CAB39L: variants seen among roughly 807,000 people sequenced by gnomAD.
CAB39L encodes the protein calcium binding protein 39 like.
CAB39L carries 23 observed loss-of-function variants against 39.1 expected under a neutral mutation model. The ratio of observed to expected loss-of-function variants is 0.59; its 90% CI spans 0.42 to 0.83. The LOEUF is 0.83. Ranked by LOEUF, CAB39L falls within the 40% of genes least tolerant of loss-of-function variation. The pLI is 0.00. For synonymous variants in CAB39L, 126 were observed against 137.2 expected, an observed-to-expected ratio of 0.92 and a Z score of 0.57; for missense variants, 366 against 391.9, an observed-to-expected ratio of 0.93 and a Z score of 0.56.
chr13:49,388,000 CAAAG>C (rs1956402191), intron 3 of CAB39L, among the ~76,000 whole-genome samples: 2 of 152,110 alleles, frequency 1.3e-5, no homozygotes, highest in South Asian at 2.1e-4. Context: ...AAATACGAAA[CAAAG>C]AAGCCTCAAA....
chr13:49,357,075 C>G (rs1213941730), intron 6 of CAB39L, among the ~76,000 whole-genome samples: 2 of 149,954 alleles, frequency 1.3e-5, no homozygotes, highest in Admixed American at 1.3e-4. Context: ...AAAATGGTAA[C>G]AGGTAAAACT....
intron 6 of CAB39L, among the ~76,000 whole-genome samples, chr13:49,351,455 C>T (rs1038682161): frequency 2.0e-5 from 3 of 151,984 alleles, no homozygotes; most frequent in African/African-American, 7.3e-5. Flanking sequence ...GAGGAAGAAC[C>T]GTGAGTGGTG....
intron 5 of CAB39L, among the ~76,000 whole-genome samples, chr13:49,367,933 A>AG (rs1955813313): frequency 6.6e-6 from 1 of 151,512 alleles, no homozygotes; most frequent in Non-Finnish European, 1.5e-5. Context: ...CCTGTCTCAA[A>AG]AAAAAAAAAA....
At chr13:49,311,016 C>G (rs770553144) in intron 10 of CAB39L, 23 bp from the exon 11 acceptor site, 2 of 1,607,678 alleles carry the variant, frequency 1.2e-6, no homozygotes, top group Admixed American at 3.4e-5. Flanking sequence ...GAAACAAATA[C>G]TTAGGAGTGC....
At chr13:49,348,874 C>T (rs575435539) in intron 7 of CAB39L, among the ~76,000 whole-genome samples, 2 of 152,298 alleles carry the variant, frequency 1.3e-5, no homozygotes, top group East Asian at 1.9e-4. Flanking sequence ...ATCTCTCTGA[C>T]GGCCCAGCCT....
At chr13:49,363,996 C>A (rs1955702568) in intron 5 of CAB39L, among the ~76,000 whole-genome samples, 1 of 151,596 alleles carries the variant, frequency 6.6e-6, no homozygotes, top group Non-Finnish European at 1.5e-5. Flanking sequence ...TGAAAACAAA[C>A]AAACAAAACC....
chr13:49,322,039 GT>G (rs1335762820), intron 10 of CAB39L, among the ~76,000 whole-genome samples: 3 of 152,116 alleles, frequency 2.0e-5, no homozygotes, highest in African/African-American at 7.2e-5. Flanking sequence ...ACTTTTTAAT[GT>G]TTTACAGTAT....
At chr13:49,340,412 C>T (rs1337452581) in intron 8 of CAB39L, among the ~76,000 whole-genome samples, 3 of 152,096 alleles carry the variant, frequency 2.0e-5, no homozygotes, top group Admixed American at 2.0e-4. Flanking sequence ...GCAGCCAGGA[C>T]GGAGGACAAG....
intron 5 of CAB39L, among the ~76,000 whole-genome samples, chr13:49,373,916 C>T (rs1372308335): frequency 6.6e-6 from 1 of 152,182 alleles, no homozygotes; most frequent in Non-Finnish European, 1.5e-5. Flanking sequence ...TTGCTGCCTG[C>T]AGGCTGATCA....
chr13:49,377,934 A>G (rs1956129135), intron 4 of CAB39L, among the ~76,000 whole-genome samples: 2 of 72,688 alleles, frequency 2.8e-5, no homozygotes, highest in African/African-American at 1.7e-4. Flanking sequence ...CCGCCATCAC[A>G]TCTAGGAAGT....
At chr13:49,349,508 A>G (rs1955278490) in intron 7 of CAB39L, among the ~76,000 whole-genome samples, 1 of 150,592 alleles carries the variant, frequency 6.6e-6, no homozygotes, top group African/African-American at 2.4e-5. Flanking sequence ...TACTTTTTAA[A>G]CCTGAAAACC....
intron 5 of CAB39L, among the ~76,000 whole-genome samples, chr13:49,372,432 C>T (rs893403130): frequency 6.6e-6 from 1 of 152,138 alleles, no homozygotes; most frequent in African/African-American, 2.4e-5. Context: ...CCTCTAGATT[C>T]CTGACAGAGA....
intron 5 of CAB39L, among the ~76,000 whole-genome samples, chr13:49,361,165 C>T (rs1031498364): frequency 6.6e-6 from 1 of 152,186 alleles, no homozygotes; most frequent in African/African-American, 2.4e-5. Flanking sequence ...TTCAACGTCT[C>T]CCTTTTGCTT....
intron 3 of CAB39L, chr13:49,413,671 T>C (rs931619880): frequency 2.6e-5 from 4 of 152,156 alleles, no homozygotes; most frequent in Non-Finnish European, 5.9e-5. Context: ...TAAAAAGCTA[T>C]TCCCTGTACA....
chr13:49,368,244 C>A (rs1012316324), intron 5 of CAB39L, among the ~76,000 whole-genome samples: 1 of 152,190 alleles, frequency 6.6e-6, no homozygotes, highest in Admixed American at 6.5e-5. Flanking sequence ...AAACATTCTT[C>A]TAGTTCATTA....
chr13:49,382,803 G>C lies in CAB39L; in HGVS notation c.108C>G (p.Asp36Glu). 1 of 1,584,058 alleles carries C rather than the reference G, an allele frequency of 6.3e-7. No homozygotes were observed. The highest frequency in any genetic ancestry group is 8.7e-7 in the Non-Finnish European group (1 of 1,154,436). ...ATGTTACTGTTTTAGCTCTTACCTTGTCTGTCTTTTTGTCTTGCTTTTCCA... is the reference window on the plus strand; with the variant it reads ...ATGTTACTGTTTTAGCTCTTACCTTCTCTGTCTTTTTGTCTTGCTTTTCCA... ...AILEKQDKKT[D>E]KASEEVSKSL... Residue 36 changes from aspartate (D) to glutamate (E), a missense_variant, in exon 4 of 11, where the codon GAC becomes GAG. Transcript: ENST00000409308.
intron 10 of CAB39L, among the ~76,000 whole-genome samples, chr13:49,312,820 C>T (rs1263366693): frequency 6.6e-6 from 1 of 152,174 alleles, no homozygotes; most frequent in East Asian, 1.9e-4. Flanking sequence ...CATAACAAAT[C>T]CAGTATACGT....
At chr13:49,330,411 G>A (rs1954657401) in intron 10 of CAB39L, among the ~76,000 whole-genome samples, 2 of 152,234 alleles carry the variant, frequency 1.3e-5, no homozygotes, top group South Asian at 4.1e-4. Context: ...GATCACTTGA[G>A]CCTAAGATTT....
chr13:49,315,662 G>A (rs1047809972), intron 10 of CAB39L, among the ~76,000 whole-genome samples: 6 of 151,892 alleles, frequency 4.0e-5, no homozygotes, highest in East Asian at 1.9e-4. Flanking sequence ...CAAGGCGGGC[G>A]GATCATGAAG....
Sources: allele counts gnomAD v4.1 joint callset (sites outside exome capture counted in the v4.1 genomes callset), GRCh38; gene constraint gnomAD v4.1.1; transcripts MANE v1.5; gene names NCBI Gene and HGNC (gene_info 2026-07-23, HGNC 2026-07-21).